The following TMEM132D variants were observed in gnomAD, a reference collection of about 807,000 sequenced individuals.
TMEM132D encodes the protein transmembrane protein 132D, also known as mature OL transmembrane protein.
Under a neutral mutation model 62.3 loss-of-function variants are expected in TMEM132D, and 21 were observed. The ratio of observed to expected loss-of-function variants is 0.34; its 90% CI spans 0.24 to 0.49. TMEM132D has a LOEUF of 0.49. Among genes scored for constraint, TMEM132D ranks in the 20% least tolerant of loss-of-function variants. The pLI is 0.99. For synonymous variants in TMEM132D, 621 were observed against 575.6 expected (o/e 1.08, Z -1.13); for missense variants, 1,346 against 1,402.8 (o/e 0.96, Z 0.65).
At chr12:129,185,761 A>ATCTGTCTGTCTG (rs11271238) in intron 5 of TMEM132D, among the ~76,000 whole-genome samples, 8,650 of 140,656 alleles carry the variant, frequency 0.061, 325 homozygotes, top group Middle Eastern at 0.11. Context: ...TTTATCCATC[A>ATCTGTCTGTCTG]TCTGTCTGTC....
rs544001075 is a variant in TMEM132D at position 129,528,109 on chromosome 12, A to T, written c.1115+2950T>A. On this transcript the variant is annotated intron_variant, in intron 3 of 8. Coordinates refer to ENST00000422113, the MANE Select transcript of TMEM132D (RefSeq NM_133448.3). ...GATGATCAGATTCTGACTTTTAAGA[A>T]TAACTAGAAAACACTCAAAGAGGGT... Among the ~76,000 whole-genome samples, 31 of 152,340 alleles carry T rather than the reference A, an allele frequency of 2.0e-4. No individual in the cohort carries two copies. The South Asian group carries it at 6.2e-3, about 31-fold the overall frequency.
intron 3 of TMEM132D, among the ~76,000 whole-genome samples, chr12:129,483,970 C>G (rs752909547): frequency 6.6e-6 from 1 of 152,048 alleles, no homozygotes; most frequent in Non-Finnish European, 1.5e-5. Flanking sequence ...TATTCAGTTA[C>G]TTATTTCTCT....
At chr12:129,486,737 A>G (rs1874591546) in intron 3 of TMEM132D, among the ~76,000 whole-genome samples, 1 of 152,042 alleles carries the variant, frequency 6.6e-6, no homozygotes, top group African/African-American at 2.4e-5. Flanking sequence ...TCACTTGTTT[A>G]CCAATTCTTT....
At chr12:129,530,666 T>C (rs1876190590) in intron 3 of TMEM132D, among the ~76,000 whole-genome samples, 1 of 152,198 alleles carries the variant, frequency 6.6e-6, no homozygotes, top group African/African-American at 2.4e-5. Flanking sequence ...AATGCACCCG[T>C]GTGAAGAGAG....
At chr12:129,301,986 G>A (rs900255) in intron 4 of TMEM132D, among the ~76,000 whole-genome samples, 4 of 151,900 alleles carry the variant, frequency 2.6e-5, no homozygotes, top group Non-Finnish European at 4.4e-5. Context: ...AAAAAAAAAC[G>A]TATTGTCTAC....
At chr12:129,266,014 T>A (rs1200729238) in intron 4 of TMEM132D, among the ~76,000 whole-genome samples, 2 of 152,130 alleles carry the variant, frequency 1.3e-5, no homozygotes, top group Non-Finnish European at 2.9e-5. Context: ...AATAAATAGG[T>A]GCACTGAGTG....
chr12:129,553,496 G>C (rs1422449879), intron 2 of TMEM132D, among the ~76,000 whole-genome samples: 2 of 152,206 alleles, frequency 1.3e-5, no homozygotes, highest in African/African-American at 4.8e-5. Flanking sequence ...AGGCAATGAG[G>C]CTGACTCAGT....
chr12:129,360,087 G>T (rs146794266), intron 3 of TMEM132D, among the ~76,000 whole-genome samples: 1 of 152,218 alleles, frequency 6.6e-6, no homozygotes, highest in East Asian at 1.9e-4. Flanking sequence ...CAGAGTAAGG[G>T]ACAATTCTTC....
intron 5 of TMEM132D, among the ~76,000 whole-genome samples, chr12:129,139,625 A>G (rs1317135787): frequency 2.6e-5 from 4 of 152,100 alleles, no homozygotes; most frequent in Non-Finnish European, 5.9e-5. Flanking sequence ...GCAGTTGACT[A>G]CTCTGTTGTC....
intron 3 of TMEM132D, among the ~76,000 whole-genome samples, chr12:129,530,112 A>G (rs1160851896): frequency 1.3e-5 from 2 of 152,210 alleles, no homozygotes; most frequent in Non-Finnish European, 1.5e-5. Flanking sequence ...AAGTACAGAA[A>G]AGAATCCAAA....
At chr12:129,719,759 T>C (rs1426621792) in intron 1 of TMEM132D, among the ~76,000 whole-genome samples, 1 of 152,234 alleles carries the variant, frequency 6.6e-6, no homozygotes, top group East Asian at 1.9e-4. Flanking sequence ...GTAACCATCA[T>C]CACCTTAAAC....
intron 5 of TMEM132D, among the ~76,000 whole-genome samples, chr12:129,182,784 G>C (rs1878104915): frequency 6.6e-6 from 1 of 152,216 alleles, no homozygotes; most frequent in Non-Finnish European, 1.5e-5. Flanking sequence ...CAAGGGAATT[G>C]GATCTTCCAG....
chr12:129,092,773 G>T (rs556318411), intron 5 of TMEM132D, among the ~76,000 whole-genome samples: 1 of 152,240 alleles, frequency 6.6e-6, no homozygotes, highest in South Asian at 2.1e-4. Context: ...TACATGCAAG[G>T]TACTGTACTG....
rs142539607 is a variant in TMEM132D, at chr12:129,086,813, G to A, written c.1444-2111C>T. On this transcript the variant is annotated intron_variant, in intron 5 of 8. Transcript: ENST00000422113. ...TATATAAATGTTATGAAAAGGTAACGTGTGTATAACATGAGTGCAGGTATT... is the reference window on the plus strand; with the variant it reads ...TATATAAATGTTATGAAAAGGTAACATGTGTATAACATGAGTGCAGGTATT... Among the ~76,000 whole-genome samples, 633 of 151,424 alleles carry A rather than the reference G, an allele frequency of 4.2e-3. 3 individuals are homozygous for A. The highest frequency in any genetic ancestry group is 0.015 in the African/African-American group (603 of 41,322).
intron 1 of TMEM132D, among the ~76,000 whole-genome samples, chr12:129,868,056 C>G (rs1193066100): frequency 6.6e-6 from 1 of 151,922 alleles, no homozygotes; most frequent in Non-Finnish European, 1.5e-5. Context: ...CATGAGACAG[C>G]GTTTCTATGG....
chr12:129,093,709 A>C (rs1875006542), intron 5 of TMEM132D, among the ~76,000 whole-genome samples: 1 of 152,162 alleles, frequency 6.6e-6, no homozygotes, highest in Non-Finnish European at 1.5e-5. Flanking sequence ...GGAACCAAAA[A>C]AGAGCCCGCA....
At chr12:129,701,530 C>G (rs377312435) in intron 1 of TMEM132D, among the ~76,000 whole-genome samples, 35 of 152,314 alleles carry the variant, frequency 2.3e-4, no homozygotes, top group East Asian at 2.1e-3. Flanking sequence ...CCAGCCACAT[C>G]CTGTGGACAC....
chr12:129,724,626 G>A (rs1288502074), intron 1 of TMEM132D, among the ~76,000 whole-genome samples: 1 of 152,126 alleles, frequency 6.6e-6, no homozygotes, highest in African/African-American at 2.4e-5. Flanking sequence ...TGGTTCGAGC[G>A]ATTCTCCTGC....
intron 1 of TMEM132D, among the ~76,000 whole-genome samples, chr12:129,891,692 T>C (rs1874929898): frequency 6.6e-6 from 1 of 152,224 alleles, no homozygotes; most frequent in South Asian, 2.1e-4. Flanking sequence ...TTATTTCTTA[T>C]AATAGTAGAA....
Sources: allele counts gnomAD v4.1 joint callset (sites outside exome capture counted in the v4.1 genomes callset), GRCh38; gene constraint gnomAD v4.1.1; transcripts MANE v1.5; gene names NCBI Gene and HGNC (gene_info 2026-07-23, HGNC 2026-07-21).